The following CALCR variants were observed in gnomAD, a reference collection of about 807,000 sequenced individuals.
CALCR encodes the protein calcitonin receptor.
A neutral mutation model predicts 59.5 loss-of-function variants in CALCR; 47 were observed. That is an observed-to-expected ratio of 0.79 (90% CI 0.63 to 1.01). The LOEUF (loss-of-function observed/expected upper bound fraction) is 1.01, where lower values mean the gene tolerates loss of function less well. Among genes scored for constraint, CALCR ranks in the 50% least tolerant of loss-of-function variants. The probability of loss-of-function intolerance (pLI) is 0.00; values close to 1 mark genes in which losing one functional copy is unlikely to be tolerated. For missense variants in CALCR, 566 were observed against 597.1 expected (o/e 0.95, Z 0.54); for synonymous variants, 213 against 211.3 (o/e 1.01, Z -0.07).
intron 2 of CALCR, among the ~76,000 whole-genome samples, chr7:93,513,907 T>A (rs890142689): frequency 3.9e-5 from 6 of 151,970 alleles, no homozygotes; most frequent in Non-Finnish European, 8.8e-5. Context: ...ATTTATTTCA[T>A]TTCCAAAAAT....
At chr7:93,473,106 T>C (rs1252431292) in intron 5 of CALCR, among the ~76,000 whole-genome samples, 1 of 151,624 alleles carries the variant, frequency 6.6e-6, no homozygotes, top group Non-Finnish European at 1.5e-5. Flanking sequence ...CCACAGAAAA[T>C]ATATAGGGAT....
chr7:93,512,923 G>A (rs1286684013), intron 2 of CALCR, among the ~76,000 whole-genome samples: 1 of 152,058 alleles, frequency 6.6e-6, no homozygotes, highest in Admixed American at 6.6e-5. Flanking sequence ...AATGATTATC[G>A]TATTTAGGAG....
At chr7:93,469,155 T>C (rs1042064025) in intron 6 of CALCR, among the ~76,000 whole-genome samples, 11 of 151,780 alleles carry the variant, frequency 7.2e-5, no homozygotes, top group African/African-American at 2.7e-4. Flanking sequence ...AGTGGATACA[T>C]AATTCTATAC....
intron 2 of CALCR, among the ~76,000 whole-genome samples, chr7:93,506,092 T>C (rs1261835044): frequency 1.3e-5 from 2 of 152,166 alleles, no homozygotes; most frequent in Non-Finnish European, 2.9e-5. Context: ...CAGAAAGCTG[T>C]TCTTTCTCTT....
intron 2 of CALCR, among the ~76,000 whole-genome samples, chr7:93,556,178 G>A (rs1789600347): frequency 6.6e-6 from 1 of 152,120 alleles, no homozygotes; most frequent in African/African-American, 2.4e-5. Flanking sequence ...GTAGAGTAGG[G>A]ATGGAGGATG....
chr7:93,510,396 C>G (rs1428958520), intron 2 of CALCR, among the ~76,000 whole-genome samples: 1 of 152,100 alleles, frequency 6.6e-6, no homozygotes, highest in Admixed American at 6.6e-5. Flanking sequence ...TGTGACAGCC[C>G]GGTGAAGACT....
intron 2 of CALCR, among the ~76,000 whole-genome samples, chr7:93,556,063 T>C (rs553480629): frequency 1.2e-4 from 19 of 152,296 alleles, no homozygotes; most frequent in Non-Finnish European, 2.1e-4. Context: ...TAAATGAACA[T>C]GGCCATGGAA....
intron 6 of CALCR, among the ~76,000 whole-genome samples, chr7:93,469,503 C>T (rs374251288): frequency 6.6e-5 from 10 of 151,606 alleles, no homozygotes; most frequent in Admixed American, 3.3e-4. Flanking sequence ...GAGATTGATC[C>T]AGTCACCCAT....
At chr7:93,464,068 C>T (rs766902170) in intron 7 of CALCR, among the ~76,000 whole-genome samples, 1 of 151,876 alleles carries the variant, frequency 6.6e-6, no homozygotes, top group African/African-American at 2.4e-5. Flanking sequence ...CATTTTAAGG[C>T]TAAAGCAAAA....
chr7:93,479,342 C>T lies in CALCR; in HGVS notation c.205+12G>A. 1 of 1,601,594 alleles carries T rather than the reference C, an allele frequency of 6.2e-7. No homozygotes were observed. Among genetic ancestry groups the T allele is most frequent in the Non-Finnish European group, 8.5e-7 (1 of 1,174,360 alleles). ...GTTTCAAACATATGTTCATATATATCCTTCTCTTTACCTTCTCCTTGGTAT... is the reference window on the plus strand; with the variant it reads ...GTTTCAAACATATGTTCATATATATTCTTCTCTTTACCTTCTCCTTGGTAT... On this transcript the variant is annotated intron_variant, in intron 4 of 13. Transcript: ENST00000426151.
chr7:93,460,715 T>G (rs1465085049), intron 8 of CALCR, 106 bp downstream of exon 8: 1 of 734,238 alleles, frequency 1.4e-6, no homozygotes, highest in Non-Finnish European at 2.1e-6. Flanking sequence ...TAAATATGAT[T>G]ACACATGTAA....
intron 2 of CALCR, among the ~76,000 whole-genome samples, chr7:93,537,733 C>A (rs1182902535): frequency 6.6e-6 from 1 of 151,592 alleles, no homozygotes; most frequent in African/African-American, 2.4e-5. Context: ...CACACACATA[C>A]ATACATACAT....
intron 2 of CALCR, among the ~76,000 whole-genome samples, chr7:93,541,174 C>T (rs1789127145): frequency 1.3e-5 from 2 of 151,958 alleles, no homozygotes; most frequent in African/African-American, 4.8e-5. Context: ...AAACACTAAA[C>T]TTATTATTAT....
intron 7 of CALCR, among the ~76,000 whole-genome samples, chr7:93,464,692 G>A (rs1347126558): frequency 1.3e-5 from 2 of 151,906 alleles, no homozygotes; most frequent in East Asian, 3.9e-4. Flanking sequence ...TTCTATGGGT[G>A]AAGAATATGC....
chr7:93,429,866 A>C (rs1399364897), intron 13 of CALCR, among the ~76,000 whole-genome samples: 1 of 148,080 alleles, frequency 6.8e-6, no homozygotes, highest in Non-Finnish European at 1.5e-5. Flanking sequence ...AAAAAAAAAA[A>C]CACTTTAAAT....
At chr7:93,512,165 C>G (rs1379595793) in intron 2 of CALCR, among the ~76,000 whole-genome samples, 3 of 152,154 alleles carry the variant, frequency 2.0e-5, no homozygotes, top group Non-Finnish European at 4.4e-5. Context: ...AATCTTCTTA[C>G]TACATGTCTG....
At chr7:93,528,290 T>G (rs548380609) in intron 2 of CALCR, among the ~76,000 whole-genome samples, 1 of 152,218 alleles carries the variant, frequency 6.6e-6, no homozygotes, top group Non-Finnish European at 1.5e-5. Flanking sequence ...AAAATTTTTT[T>G]ATTATACTTT....
At chr7:93,481,162 A>G (rs1800787677) in intron 3 of CALCR, among the ~76,000 whole-genome samples, 1 of 151,916 alleles carries the variant, frequency 6.6e-6, no homozygotes, top group South Asian at 2.1e-4. Flanking sequence ...TGTCAGGGAC[A>G]TGAAAGGTTC....
At chr7:93,452,302 C>A (rs1800126396) in intron 8 of CALCR, among the ~76,000 whole-genome samples, 1 of 151,880 alleles carries the variant, frequency 6.6e-6, no homozygotes, top group African/African-American at 2.4e-5. Flanking sequence ...AACTCACAAC[C>A]CAATGAGAAA....
Sources: gnomAD v4.1 joint callset for allele counts (sites outside exome capture counted in the v4.1 genomes callset) on GRCh38, gnomAD v4.1.1 for gene constraint, MANE v1.5 for transcripts, NCBI Gene and HGNC (gene_info 2026-07-23, HGNC 2026-07-21) for gene names.